The following NKAIN3 variants were observed in gnomAD, a reference collection of about 807,000 sequenced individuals.
NKAIN3 encodes the protein sodium/potassium-transporting ATPase subunit beta-1-interacting protein 3.
A neutral mutation model predicts 30.2 loss-of-function variants in NKAIN3; 25 were observed. The ratio of observed to expected loss-of-function variants is 0.83; its 90% CI spans 0.60 to 1.16. The LOEUF is 1.16. Ranked by LOEUF, NKAIN3 falls within the 50% of genes most tolerant of loss-of-function variation. NKAIN3 has a pLI of 0.00. For synonymous variants in NKAIN3, 91 were observed against 89.6 expected (o/e 1.02, Z -0.09); for missense variants, 225 against 254.1 (o/e 0.89, Z 0.78).
chr8:62,695,376 A>G (rs1290792317), intron 3 of NKAIN3, among the ~76,000 whole-genome samples: 1 of 152,214 alleles, frequency 6.6e-6, no homozygotes, highest in Non-Finnish European at 1.5e-5. Flanking sequence ...TGGAAAGTGA[A>G]TCAGAGAGAA....
At chr8:62,318,974 TG>T (rs1814768854) in intron 1 of NKAIN3, among the ~76,000 whole-genome samples, 2 of 152,150 alleles carry the variant, frequency 1.3e-5, no homozygotes, top group Admixed American at 1.3e-4. Context: ...GGACTTTTTT[TG>T]GTTGGTAAGC....
chr8:62,380,563 G>A (rs888738482), intron 1 of NKAIN3, among the ~76,000 whole-genome samples: 1 of 152,176 alleles, frequency 6.6e-6, no homozygotes, highest in South Asian at 2.1e-4. Flanking sequence ...TCAGAGCTTT[G>A]GCAGAAATGA....
At chr8:62,814,321 T>G (rs939877243) in intron 4 of NKAIN3, among the ~76,000 whole-genome samples, 1 of 152,056 alleles carries the variant, frequency 6.6e-6, no homozygotes, top group East Asian at 1.9e-4. Context: ...ATAGGCTTTT[T>G]TTTTCATTCT....
At chr8:62,804,772 T>G (rs1391856761) in intron 4 of NKAIN3, among the ~76,000 whole-genome samples, 1 of 152,110 alleles carries the variant, frequency 6.6e-6, no homozygotes, top group Admixed American at 6.6e-5. Flanking sequence ...ACCACACCTA[T>G]TCAACATAGT....
chr8:62,575,746 G>T (rs1013490882), intron 1 of NKAIN3, among the ~76,000 whole-genome samples: 2 of 152,078 alleles, frequency 1.3e-5, no homozygotes, highest in East Asian at 3.9e-4. Flanking sequence ...GAAACAGCAT[G>T]GCACTGGCAT....
intron 4 of NKAIN3, among the ~76,000 whole-genome samples, chr8:62,872,662 A>C (rs1215218324): frequency 1.3e-5 from 2 of 152,256 alleles, no homozygotes; most frequent in African/African-American, 4.8e-5. Context: ...TGTGAACAGA[A>C]GGGTTATTTC....
At chr8:62,771,751 A>G (rs1817018844) in intron 4 of NKAIN3, among the ~76,000 whole-genome samples, 1 of 152,100 alleles carries the variant, frequency 6.6e-6, no homozygotes, top group South Asian at 2.1e-4. Flanking sequence ...AAAATCAAGG[A>G]GAAATTCTTT....
At chr8:62,592,392 A>G (rs1299324811) in intron 3 of NKAIN3, among the ~76,000 whole-genome samples, 1 of 152,088 alleles carries the variant, frequency 6.6e-6, no homozygotes, top group Non-Finnish European at 1.5e-5. Flanking sequence ...TGTAATCCAC[A>G]TAAGCAAAAG....
At chr8:62,808,753 G>A (rs943681383) in intron 4 of NKAIN3, among the ~76,000 whole-genome samples, 7 of 152,200 alleles carry the variant, frequency 4.6e-5, no homozygotes, top group South Asian at 2.1e-4. Flanking sequence ...GGGGCAGACC[G>A]AGATCACAAG....
intron 3 of NKAIN3, among the ~76,000 whole-genome samples, chr8:62,709,728 G>A (rs1486031717): frequency 6.6e-6 from 1 of 151,808 alleles, no homozygotes; most frequent in African/African-American, 2.4e-5. Context: ...ATTTAGTTCT[G>A]CTCTGATCTT....
intron 1 of NKAIN3, among the ~76,000 whole-genome samples, chr8:62,464,874 CA>C (rs1448418452): frequency 1.3e-5 from 2 of 152,100 alleles, no homozygotes; most frequent in Non-Finnish European, 2.9e-5. Context: ...AGAGATATTT[CA>C]TAATGAAACT....
At chr8:62,501,109 T>G (rs1320106762) in intron 1 of NKAIN3, among the ~76,000 whole-genome samples, 1 of 152,224 alleles carries the variant, frequency 6.6e-6, no homozygotes, top group African/African-American at 2.4e-5. Flanking sequence ...TGGATAGAGC[T>G]GTGAATTTTG....
At chr8:62,310,186 G>C (rs1814382710) in intron 1 of NKAIN3, among the ~76,000 whole-genome samples, 1 of 150,166 alleles carries the variant, frequency 6.7e-6, no homozygotes, top group South Asian at 2.1e-4. Flanking sequence ...GAAATGGGAG[G>C]AAAACTTGAA....
chr8:62,327,051 C>T (rs984312271), intron 1 of NKAIN3, among the ~76,000 whole-genome samples: 14 of 151,922 alleles, frequency 9.2e-5, no homozygotes, highest in African/African-American at 3.1e-4. Flanking sequence ...TTTTGATTTG[C>T]ATTTTCCTAA....
At chr8:62,333,975 C>T (rs62509164) in intron 1 of NKAIN3, among the ~76,000 whole-genome samples, 58,533 of 151,742 alleles carry the variant, frequency 0.39, 12,288 homozygotes, top group Non-Finnish European at 0.49. Flanking sequence ...AGACCAGAGG[C>T]GCAGAATGAC....
intron 1 of NKAIN3, among the ~76,000 whole-genome samples, chr8:62,561,060 C>A (rs1000633526): frequency 6.6e-6 from 1 of 152,046 alleles, no homozygotes; most frequent in Non-Finnish European, 1.5e-5. Flanking sequence ...TAAAAGTTTT[C>A]TCTCTTGCTA....
chr8:62,428,803 C>A (rs1298163334), intron 1 of NKAIN3, among the ~76,000 whole-genome samples: 3 of 151,700 alleles, frequency 2.0e-5, no homozygotes, highest in Non-Finnish European at 2.9e-5. Context: ...TAATTGTTTC[C>A]TTTGCTGTAG....
chr8:62,777,153 T>G (rs1170819809), intron 4 of NKAIN3, among the ~76,000 whole-genome samples: 1 of 152,182 alleles, frequency 6.6e-6, no homozygotes. Context: ...GGGAGTTTGA[T>G]TATTGAATAG....
At chr8:62,508,480 A>G (rs1301540575) in intron 1 of NKAIN3, among the ~76,000 whole-genome samples, 1 of 152,148 alleles carries the variant, frequency 6.6e-6, no homozygotes, top group East Asian at 1.9e-4. Context: ...TCAAGTTAGG[A>G]TGTGGCTTCT....
Sources: gnomAD v4.1 joint callset for allele counts (sites outside exome capture counted in the v4.1 genomes callset) on GRCh38, gnomAD v4.1.1 for gene constraint, MANE v1.5 for transcripts, NCBI Gene and HGNC (gene_info 2026-07-23, HGNC 2026-07-21) for gene names.